PLXNA2: variants seen among roughly 807,000 people sequenced by gnomAD.
PLXNA2 encodes plexin A2, also known as plexin-A2.
Under a neutral mutation model 193.5 loss-of-function variants are expected in PLXNA2, and 91 were observed. The observed-to-expected ratio is 0.47, with a 90% CI of 0.40 to 0.56. The LOEUF (loss-of-function observed/expected upper bound fraction) is 0.56, where lower values mean the gene tolerates loss of function less well. PLXNA2 is among the 20% of genes least tolerant of loss of function. PLXNA2 has a pLI of 0.00. For synonymous variants in PLXNA2, 997 were observed against 1,027.3 expected (o/e 0.97, Z 0.56); for missense variants, 1,995 against 2,503.2 (o/e 0.80, Z 4.33).
intron 3 of PLXNA2, among the ~76,000 whole-genome samples, chr1:208,191,602 AATT>A (rs1670184014): frequency 6.6e-6 from 1 of 152,192 alleles, no homozygotes. Flanking sequence ...GGGAGGCAGA[AATT>A]ATTATTATTT....
intron 4 of PLXNA2, among the ~76,000 whole-genome samples, chr1:208,104,668 T>G (rs1185745051): frequency 6.6e-6 from 1 of 152,062 alleles, no homozygotes; most frequent in East Asian, 1.9e-4. Context: ...GGGTGTACAG[T>G]GGGTGGGAGG....
Position 208,028,772 on chromosome 1 carries a change from A to C in PLXNA2, c.5438+58T>G, listed in dbSNP as rs947159445. 6.7e-7 allele frequency: 1 copy of C among 1,490,962 alleles called. No individual in the cohort carries two copies. The highest frequency in any genetic ancestry group is 9.3e-7 in the Non-Finnish European group (1 of 1,079,624). The allele number at this position is 1,490,962 out of a possible 1,614,324, so 92.4% of individuals were successfully genotyped here. A position where few individuals can be genotyped will look rare whatever the true frequency, so the allele number is the denominator to read the frequency against. On this transcript the variant is annotated intron_variant, in intron 30 of 31. Coordinates refer to ENST00000367033, the MANE Select transcript of PLXNA2 (RefSeq NM_025179.4). This position sits in a 1 kb window ranked among gnomAD's most constrained non-coding sequence, Gnocchi z 4.2. ...TGAGTCCTTAGTCAGTGATGACTAT[A>C]GAGCGGGGAATGGGCAGGGAGACAA... is the stretch of plus-strand genomic sequence containing the variant.
At chr1:208,075,323 T>A (rs199498911) in intron 12 of PLXNA2, among the ~76,000 whole-genome samples, 5 of 139,298 alleles carry the variant, frequency 3.6e-5, no homozygotes, top group East Asian at 2.5e-4. Flanking sequence ...AAAAAAAAAA[T>A]AATAAGAAAA....
At chr1:208,191,068 G>A (rs1326778273) in intron 3 of PLXNA2, among the ~76,000 whole-genome samples, 7 of 152,176 alleles carry the variant, frequency 4.6e-5, no homozygotes, top group South Asian at 4.1e-4. Context: ...GGAAAAGGGC[G>A]GTCCCAAAAG....
In PLXNA2 at chr1:208,175,811, C is replaced by A. The variant is rs140211354; in HGVS notation, c.1372-33348G>T. Among the ~76,000 whole-genome samples, 88 of 152,290 alleles carry A rather than the reference C, an allele frequency of 5.8e-4. 1 individual carries two copies. The highest frequency in any genetic ancestry group is 2.1e-3 in the African/African-American group (87 of 41,572). ...AATGGCAGTCTTCCTAAGAGAGTGC[C>A]TCAGAAAACCTGATAGCCAGAGAAA... On this transcript the variant is annotated intron_variant, in intron 3 of 31. Coordinates refer to ENST00000367033, the MANE Select transcript of PLXNA2 (RefSeq NM_025179.4).
chr1:208,235,917 AG>A (rs1037361005), intron 1 of PLXNA2, among the ~76,000 whole-genome samples: 1 of 152,114 alleles, frequency 6.6e-6, no homozygotes, highest in African/African-American at 2.4e-5. Flanking sequence ...GATAAACCTC[AG>A]GGGGTGGGGT....
At chr1:208,227,789 C>T (rs551586468) in intron 1 of PLXNA2, among the ~76,000 whole-genome samples, 13 of 152,286 alleles carry the variant, frequency 8.5e-5, no homozygotes. Flanking sequence ...GGAAATGTCT[C>T]TCATCCAGTC....
chr1:208,239,828 C>A (rs1001173572), intron 1 of PLXNA2, among the ~76,000 whole-genome samples: 1 of 152,122 alleles, frequency 6.6e-6, no homozygotes. Flanking sequence ...ACTGGCAGTG[C>A]GTGGGAAGAG....
chr1:208,079,336 T>A lies in PLXNA2; in HGVS notation c.2510A>T (p.His837Leu), dbSNP rs41309627. The A allele has an allele frequency of 6.2e-7, 1 of 1,613,776 alleles. No individual in the cohort carries two copies. The highest frequency in any genetic ancestry group is 1.3e-5 in the African/African-American group (1 of 74,888). ...SGERRCTLHQ[H>L]CTSPSSPWLD... Reference sequence around the variant, plus strand: ...CCAGGGGCTGGAAGGGCTGGTACAGTGCTGGTGGAGGGTGCACCTGCGCTC... The same window carrying A: ...CCAGGGGCTGGAAGGGCTGGTACAGAGCTGGTGGAGGGTGCACCTGCGCTC... The change falls in exon 12 of 32, where the codon CAC becomes CTC. Residue 837 changes from histidine (H) to leucine (L), a missense_variant. Physicochemically the swap from His to Leu is moderately conservative, Grantham distance 99 (BLOSUM62 -3). Around this residue, in one of 3 missense-constraint regions of PLXNA2, gnomAD observed 1,291 missense variants for 1,673.6 expected, o/e 0.77. Coordinates refer to ENST00000367033, the MANE Select transcript of PLXNA2 (RefSeq NM_025179.4).
At chr1:208,226,053 CAG>C (rs967400501) in intron 1 of PLXNA2, among the ~76,000 whole-genome samples, 3 of 152,308 alleles carry the variant, frequency 2.0e-5, no homozygotes, top group South Asian at 2.1e-4. Flanking sequence ...CGAAAATTTG[CAG>C]AGATAGGCGG....
At chr1:208,076,782 C>T (rs1018195735) in intron 12 of PLXNA2, among the ~76,000 whole-genome samples, 3 of 152,116 alleles carry the variant, frequency 2.0e-5, no homozygotes, top group Non-Finnish European at 4.4e-5. Context: ...AAAAGGACAT[C>T]GGTGGGACAA....
chr1:208,155,010 TG>T (rs1558219347), intron 3 of PLXNA2, among the ~76,000 whole-genome samples: 1 of 152,170 alleles, frequency 6.6e-6, no homozygotes, highest in Non-Finnish European at 1.5e-5. Context: ...AAAATTGGGC[TG>T]GGAGGAAATT....
At chr1:208,218,594 C>A (rs1671222833) in intron 1 of PLXNA2, among the ~76,000 whole-genome samples, 1 of 152,226 alleles carries the variant, frequency 6.6e-6, no homozygotes, top group African/African-American at 2.4e-5. Flanking sequence ...AGTGAGAGTG[C>A]CCTGCTCTGC....
rs549693465 is a variant in PLXNA2 at position 208,063,187 on chromosome 1, A to C, written c.2587-2350T>G. 5.3e-5 allele frequency among the ~76,000 whole-genome samples: 8 copies of C among 152,270 alleles called. No homozygotes were observed. The East Asian group carries it at 1.5e-3, about 29-fold the overall frequency. On this transcript the variant is annotated intron_variant, in intron 12 of 31. Coordinates refer to ENST00000367033, the MANE Select transcript of PLXNA2 (RefSeq NM_025179.4). ...CAGTTAATTACAACCTTTCAGAAAA[A>C]CTGTGAAATGAAATCTTTCTGGAAA...
chr1:208,214,063 G>A (rs1671047544), intron 2 of PLXNA2, among the ~76,000 whole-genome samples: 1 of 152,020 alleles, frequency 6.6e-6, no homozygotes, highest in African/African-American at 2.4e-5. Flanking sequence ...CCCTTACGGA[G>A]GGTTACATTT....
At chr1:208,232,842 T>G (rs1671730527) in intron 1 of PLXNA2, among the ~76,000 whole-genome samples, 3 of 152,206 alleles carry the variant, frequency 2.0e-5, no homozygotes, top group Admixed American at 2.0e-4. Context: ...TTACTTACTT[T>G]GGAATTCAAT....
chr1:208,048,749 A>C (rs1285263649), intron 17 of PLXNA2, among the ~76,000 whole-genome samples: 1 of 152,164 alleles, frequency 6.6e-6, no homozygotes, highest in Non-Finnish European at 1.5e-5. Context: ...AAGCCTTTGG[A>C]GGTCACGTAC....
intron 12 of PLXNA2, among the ~76,000 whole-genome samples, chr1:208,070,581 GA>G (rs1394638900): frequency 9.9e-5 from 15 of 152,198 alleles, no homozygotes; most frequent in African/African-American, 3.1e-4. Flanking sequence ...GTGAGCTCAG[GA>G]AAGAGATGAA....
intron 12 of PLXNA2, among the ~76,000 whole-genome samples, chr1:208,074,786 C>A (rs565916277): frequency 3.3e-5 from 5 of 152,302 alleles, no homozygotes; most frequent in East Asian, 3.9e-4. Flanking sequence ...CCATCACAGG[C>A]CATCTTAGAA....
Sources: allele counts gnomAD v4.1 joint callset (sites outside exome capture counted in the v4.1 genomes callset), GRCh38; gene constraint gnomAD v4.1.1; regional missense constraint gnomAD v4.1.1; non-coding constraint Gnocchi (gnomAD v3.1); transcripts MANE v1.5; gene names NCBI Gene and HGNC (gene_info 2026-07-23, HGNC 2026-07-21).